Variants in ERCC5 observed in about 807,000 individuals in gnomAD.
ERCC5 encodes the protein DNA excision repair protein ERCC-5.
A neutral mutation model predicts 105.6 loss-of-function variants in ERCC5; 68 were observed. The ratio of observed to expected loss-of-function variants is 0.64; its 90% confidence interval spans 0.53 to 0.79. ERCC5 has a LOEUF of 0.79. Ranked by LOEUF, ERCC5 falls within the 30% of genes least tolerant of loss-of-function variation. The pLI is 0.00. For synonymous variants in ERCC5, 546 were observed against 526.2 expected (o/e 1.04, Z -0.51); for missense variants, 1,373 against 1,426.7 (o/e 0.96, Z 0.61).
chr13:102,866,687 C>G lies in ERCC5; in HGVS notation c.2375C>G (p.Ala792Gly). 1.2e-6 allele frequency: 2 copies of G among 1,614,164 alleles called. No homozygotes were observed. The highest frequency in any genetic ancestry group is 1.7e-6 in the Non-Finnish European group (2 of 1,180,034). ...PYIQAPMEAE[A>G]QCAILDLTDQ... ...ATCCAGGCTCCCATGGAAGCAGAGG[C>G]GCAGTGCGCCATCCTGGACCTGACT... Residue 792 changes from alanine to glycine, a missense_variant, in exon 11 of 15, where the codon GCG (alanine) becomes GGG (glycine). Around this residue, in one of 3 missense-constraint regions of ERCC5, gnomAD observed 1,004 missense variants for 1,059.7 expected, o/e 0.95. Coordinates refer to ENST00000652225, the MANE Select transcript of ERCC5 (RefSeq NM_000123.4).
Position 102,872,285 on chromosome 13 carries a change from A to T in ERCC5, c.2766A>T (p.Gln922His). The T allele has an allele frequency of 6.2e-7, 1 of 1,613,704 alleles. No individual in the cohort carries two copies. Residue 922 changes from glutamine (Q) to histidine (H), a missense_variant, in exon 13 of 15, where the codon CAA becomes CAT. Coordinates refer to ENST00000652225, the MANE Select transcript of ERCC5 (RefSeq NM_000123.4). ...TKVKKKLRTL[Q>H]LTPGFPNPAV... ...TGAAAAAAAAATTACGGACATTGCA[A>T]CTCACCCCTGGCTTTCCTAACCCAG...
chr13:102,855,932 C>A, intron 4 of ERCC5, 120 bp from the exon 5 acceptor site: 1 of 959,126 alleles, frequency 1.0e-6, no homozygotes, highest in Non-Finnish European at 1.7e-6. Flanking sequence ...AGTAGTGGCA[C>A]AGATCTTGCT....
Position 102,875,593 on chromosome 13 carries a change from G to A in ERCC5, c.3251G>A (p.Cys1084Tyr), listed in dbSNP as rs746017131. ...TCAGATTCTAAAGGAAAGAATACAT[G>A]CGGTGGATTTTTGGGGGAGACCTGC... ...RLSDSKGKNT[C>Y]GGFLGETCLS... Residue 1084 changes from cysteine to tyrosine, a missense_variant, in exon 15 of 15, where the codon TGC (cysteine) becomes TAC (tyrosine). Cys to Tyr is a radical substitution (Grantham distance 194). Around this residue, in one of 3 missense-constraint regions of ERCC5, gnomAD observed 367 missense variants for 350.2 expected, o/e 1.05. Coordinates refer to ENST00000652225, the MANE Select transcript of ERCC5 (RefSeq NM_000123.4). 1.2e-6 allele frequency: 2 copies of A among 1,613,634 alleles called. No individual in the cohort carries two copies. Among genetic ancestry groups the A allele is most frequent in the South Asian group, 1.1e-5 (1 of 90,986 alleles).
In ERCC5 at chr13:102,858,931, G is replaced by A. The variant is rs534299120; in HGVS notation, c.672+513G>A. 4 of 456,056 alleles carry A rather than the reference G, an allele frequency of 8.8e-6. No homozygotes were observed. The East Asian group carries it at 2.8e-4, about 32-fold the overall frequency. 28.3% of individuals were successfully genotyped at this position (456,056 alleles called of 1,614,324 possible). A position where few individuals can be genotyped will look rare whatever the true frequency, so the allele number is the denominator to read the frequency against. ...TCCAGGTATATCTTCCTCTGCTGCA[G>A]CCCTAGAGATGCCATTGGCTCTCCA... On this transcript the variant is annotated intron_variant, in intron 6 of 14. Transcript: ENST00000652225.
rs887249436 is a variant in ERCC5 at position 102,862,927 on chromosome 13, C to T, written c.1778C>T (p.Pro593Leu). Reference sequence around the variant, plus strand: ...GAAACAAGTAGCATAGTAAGTGTCCCTTCAGAGGCAGTAGATAATGTGGAA... The same window carrying T: ...GAAACAAGTAGCATAGTAAGTGTCCTTTCAGAGGCAGTAGATAATGTGGAA... ...LQETSSIVSVPSEAVDNVENV... is the reference protein window; with the variant it reads ...LQETSSIVSVLSEAVDNVENV... Residue 593 changes from proline to leucine, a missense_variant, in exon 8 of 15, where the codon CCT becomes CTT. Coordinates refer to ENST00000652225, the MANE Select transcript of ERCC5 (RefSeq NM_000123.4). 2 of 1,614,202 alleles carry T rather than the reference C, an allele frequency of 1.2e-6. No individual in the cohort carries two copies. The highest frequency in any genetic ancestry group is 4.5e-5 in the East Asian group (2 of 44,890).
intron 8 of ERCC5, 115 bp downstream of exon 8, chr13:102,863,218 C>A: frequency 8.4e-7 from 1 of 1,196,646 alleles, no homozygotes; most frequent in Non-Finnish European, 1.2e-6. Flanking sequence ...GAACGAGAGA[C>A]GTAGAAAGAA....
chr13:102,869,617 C>T (rs1040461811), intron 12 of ERCC5, among the ~76,000 whole-genome samples: 1 of 152,038 alleles, frequency 6.6e-6, no homozygotes, highest in African/African-American at 2.4e-5. Context: ...AGATTTATAT[C>T]GTTTTTAATG....
intron 1 of ERCC5, among the ~76,000 whole-genome samples, chr13:102,851,879 A>G (rs985661200): frequency 7.9e-5 from 12 of 152,294 alleles, no homozygotes; most frequent in African/African-American, 2.6e-4. Context: ...ACTTCTTAAA[A>G]GGATATGTCT....
chr13:102,875,919 C>A lies in ERCC5; in HGVS notation c.*16C>A, dbSNP rs1883209364. The A allele has an allele frequency of 6.2e-7, 1 of 1,600,072 alleles. No individual in the cohort carries two copies. The highest frequency in any genetic ancestry group is 8.5e-7 in the Non-Finnish European group (1 of 1,178,756). ...GAAAACCTAATTAAAAAATATGTATCCTCTATAATTAGTTATGACAGCCAT... is the reference window on the plus strand; with the variant it reads ...GAAAACCTAATTAAAAAATATGTATACTCTATAATTAGTTATGACAGCCAT... On this transcript the variant is annotated 3_prime_UTR_variant, in exon 15 of 15. Transcript: ENST00000652225.
chr13:102,874,631 C>G (rs376091925), intron 14 of ERCC5: 1 of 152,314 alleles, frequency 6.6e-6, no homozygotes, highest in Non-Finnish European at 1.5e-5. Context: ...ACGCCATTCT[C>G]CTGCCTCAGC....
At chr13:102,870,712 A>T (rs577775980) in intron 12 of ERCC5, among the ~76,000 whole-genome samples, 1 of 152,024 alleles carries the variant, frequency 6.6e-6, no homozygotes, top group African/African-American at 2.4e-5. Context: ...TTTTGTTGTT[A>T]TAATACTTTG....
In ERCC5 at chr13:102,861,530, C is replaced by T. The variant is rs1405350920; in HGVS notation, c.696C>T (p.Tyr232=). The part of the protein sequence containing the change: ...MPEESDDFSQ[Y]QLKGLLKKNY... Reference sequence around the variant, plus strand: ...AGGAGTCTGATGACTTTTCACAGTACCAACTCAAAGGCTTGCTTAAAAAGA... The same window carrying T: ...AGGAGTCTGATGACTTTTCACAGTATCAACTCAAAGGCTTGCTTAAAAAGA... The change falls in exon 7 of 15, where the codon TAC becomes TAT. Residue 232 remains tyrosine (Y), a synonymous_variant. Transcript: ENST00000652225. 1 of 1,613,990 alleles carries T rather than the reference C, an allele frequency of 6.2e-7. No individual in the cohort carries two copies. Among genetic ancestry groups the T allele is most frequent in the Non-Finnish European group, 8.5e-7 (1 of 1,179,984 alleles).
chr13:102,866,593 C>T (rs765167027), intron 10 of ERCC5, 39 bp from the exon 11 acceptor site: 1 of 1,610,864 alleles, frequency 6.2e-7, no homozygotes, highest in Admixed American at 1.7e-5. Flanking sequence ...CCTGGCGGTG[C>T]CCTTCCCTGG....
In ERCC5 at chr13:102,868,164, A is replaced by G; in HGVS notation, c.2585A>G (p.Tyr862Cys). 1 of 1,614,204 alleles carries G rather than the reference A, an allele frequency of 6.2e-7. No individual in the cohort carries two copies. Among genetic ancestry groups the G allele is most frequent in the Non-Finnish European group, 8.5e-7 (1 of 1,180,016 alleles). Residue 862 changes from tyrosine to cysteine, a missense_variant, in exon 12 of 15, where the codon TAT becomes TGT. This residue lies in a region of ERCC5 where 1,004 missense variants were observed against 1,059.7 expected (regional missense o/e 0.95). Coordinates refer to ENST00000652225, the MANE Select transcript of ERCC5 (RefSeq NM_000123.4). ...TTGGCTTATTTGCTTGGAAGTGATTATACCGAAGGAATACCAACTGTGGGT... is the reference window on the plus strand; with the variant it reads ...TTGGCTTATTTGCTTGGAAGTGATTGTACCGAAGGAATACCAACTGTGGGT... Reference protein sequence around the residue: ...INLAYLLGSDYTEGIPTVGCV... With the variant: ...INLAYLLGSDCTEGIPTVGCV...
rs1332417331 is a variant in ERCC5 at position 102,862,126 on chromosome 13, G to T, written c.977G>T (p.Cys326Phe). Residue 326 changes from cysteine to phenylalanine, a missense_variant, in exon 8 of 15, where the codon TGT becomes TTT. By Grantham distance (205) the Cys-to-Phe change is radical. Around this residue, in one of 3 missense-constraint regions of ERCC5, gnomAD observed 1,004 missense variants for 1,059.7 expected, o/e 0.95. Transcript: ENST00000652225. ...TCTTTTGACGTGAAGTCATCTCCAT[G>T]TGAAAAACTGAAGACAGAGAAAGAG... Reference protein sequence around the residue: ...GMSFDVKSSPCEKLKTEKEPD... With the variant: ...GMSFDVKSSPFEKLKTEKEPD... The T allele has an allele frequency of 1.2e-6, 2 of 1,614,228 alleles. No homozygotes were observed. The highest frequency in any genetic ancestry group is 3.3e-5 in the Admixed American group (2 of 60,032).
intron 1 of ERCC5, among the ~76,000 whole-genome samples, chr13:102,846,800 G>T (rs1205188951): frequency 6.6e-6 from 1 of 152,064 alleles, no homozygotes; most frequent in Non-Finnish European, 1.5e-5. Flanking sequence ...GGTTGATTGC[G>T]GAATCGGGTG....
In ERCC5 at chr13:102,852,131, G is replaced by T. The variant is rs373207563; in HGVS notation, c.102G>T (p.Trp34Cys). The T allele has an allele frequency of 1.9e-5, 30 of 1,613,920 alleles. No homozygotes were observed. The highest frequency in any genetic ancestry group is 2.5e-5 in the Non-Finnish European group (29 of 1,179,984). The change falls in exon 2 of 15, where the codon TGG becomes TGT. Residue 34 changes from tryptophan to cysteine, a missense_variant. Trp to Cys is a radical substitution (Grantham distance 215). Transcript: ENST00000652225. ...GKILAVDISI[W>C]LNQALKGVRD... ...CAATTCTCCCAGATATTAGCATTTG[G>T]TTAAACCAAGCACTTAAAGGAGTCC...
intron 6 of ERCC5, among the ~76,000 whole-genome samples, chr13:102,859,564 GT>G (rs537797371): frequency 6.6e-6 from 1 of 152,202 alleles, no homozygotes; most frequent in South Asian, 2.1e-4. Context: ...TAGAATTTTG[GT>G]TGTGTAAACA....
At position 102,875,519 on chromosome 13, in the gene ERCC5, C is replaced by T. The variant is rs148856875; in HGVS notation, c.3177C>T (p.Gly1059=). ...CAAAAGGAAAAACCCAGAAGAGAGG[C>T]ATAACAAATACCTTAGAAGAGTCAT... ...DKAKGKTQKR[G]ITNTLEESSS... Residue 1059 remains glycine (G), a synonymous_variant, in exon 15 of 15, where the codon GGC becomes GGT. Transcript: ENST00000652225. 2.2e-3 allele frequency: 3,553 copies of T among 1,613,984 alleles called. 21 individuals carry two copies. Among genetic ancestry groups the T allele is most frequent in the Non-Finnish European group, 1.9e-3 (2,251 of 1,179,940 alleles).
Sources: gnomAD v4.1 joint callset for allele counts (sites outside exome capture counted in the v4.1 genomes callset) on GRCh38, gnomAD v4.1.1 for gene constraint, gnomAD v4.1.1 regional missense constraint, MANE v1.5 for transcripts, NCBI Gene and HGNC (gene_info 2026-07-23, HGNC 2026-07-21) for gene names.